SRSF3: variants seen among roughly 807,000 people sequenced by gnomAD.
SRSF3 encodes the protein serine and arginine rich splicing factor 3.
For synonymous variants in SRSF3, 87 were observed against 73.6 expected, an observed-to-expected ratio of 1.18 and a Z score of -0.93; for missense variants, 58 against 217.1, an observed-to-expected ratio of 0.27 and a Z score of 4.61.
chr6:36,601,100 C>G (rs1017687152), intron 3 of SRSF3, 52 bp from the exon 4 acceptor site: 3 of 1,515,482 alleles, frequency 2.0e-6, no homozygotes, highest in Non-Finnish European at 2.7e-6. Flanking sequence ...AAATGCCTCA[C>G]GCCATAAATA....
At chr6:36,597,225 C>T (rs1432374994) in intron 2 of SRSF3, 3 of 509,732 alleles carry the variant, frequency 5.9e-6, no homozygotes, top group Non-Finnish European at 3.5e-6. Flanking sequence ...CCTGCCTCAG[C>T]CTTCTGAGTA....
At chr6:36,599,135 G>C (rs780998070) in intron 3 of SRSF3, 152 bp downstream of exon 3, 42 of 910,778 alleles carry the variant, frequency 4.6e-5, no homozygotes, top group Non-Finnish European at 6.6e-5. Context: ...GGGTATGTGA[G>C]TTGTGCTGAG....
chr6:36,595,861 C>T (rs574507937), intron 1 of SRSF3, among the ~76,000 whole-genome samples: 3 of 152,300 alleles, frequency 2.0e-5, no homozygotes, highest in East Asian at 1.9e-4. Context: ...TATCTAATGA[C>T]ATTTGATACT....
chr6:36,599,784 T>C (rs1159952307), intron 3 of SRSF3: 1 of 1,331,162 alleles, frequency 7.5e-7, no homozygotes, highest in Non-Finnish European at 1.0e-6. Flanking sequence ...TTTGTGCTTT[T>C]TGGTCCATCT....
At chr6:36,597,094 GATC>G in intron 2 of SRSF3, 126 bp downstream of exon 2, 9 of 614,084 alleles carry the variant, frequency 1.5e-5, no homozygotes, top group African/African-American at 2.0e-5. Flanking sequence ...ATACAATTGG[GATC>G]TTTTTTTTTT....
In SRSF3 at chr6:36,602,296, G is replaced by A. The variant is rs1477444617; in HGVS notation, c.*307G>A. Reference sequence around the variant, plus strand: ...TAATAAACCTCTAAACCTGCCCAGCGGAAGTGTGTTTTTTTTTAAATTTAA... The same window carrying A: ...TAATAAACCTCTAAACCTGCCCAGCAGAAGTGTGTTTTTTTTTAAATTTAA... On this transcript the variant is annotated 3_prime_UTR_variant, in exon 6 of 6. Coordinates refer to ENST00000373715, the MANE Select transcript of SRSF3 (RefSeq NM_003017.5). The A allele has an allele frequency of 3.1e-5, 11 of 356,690 alleles. No individual in the cohort carries two copies. Among genetic ancestry groups the A allele is most frequent in the Non-Finnish European group, 5.4e-5 (11 of 204,782 alleles). 22.1% of individuals were successfully genotyped at this position (356,690 alleles called of 1,614,324 possible).
intron 1 of SRSF3, chr6:36,594,859 C>G (rs951186267): frequency 1.3e-5 from 2 of 151,742 alleles, no homozygotes; most frequent in African/African-American, 4.8e-5. Flanking sequence ...CAAGACCGGA[C>G]CTTTCAGTTC....
intron 3 of SRSF3, 130 bp from the exon 4 acceptor site, chr6:36,601,001 CTTTTTTTTTTTTTTTTTTTTT>C: frequency 1.2e-5 from 1 of 84,022 alleles, no homozygotes; most frequent in Non-Finnish European, 2.0e-5. Context: ...TCTTTTTTTT[CTTTTTTTTTTTTTTTTTTTTT>C]TTTTGGACGA....
chr6:36,598,734 T>C, intron 2 of SRSF3, 115 bp from the exon 3 acceptor site: 1 of 1,258,896 alleles, frequency 7.9e-7, no homozygotes, highest in Non-Finnish European at 1.1e-6. Context: ...TGATGTTAAA[T>C]TGCACAGACA....
intron 2 of SRSF3, 97 bp downstream of exon 2, chr6:36,597,065 T>G: frequency 2.3e-6 from 2 of 869,722 alleles, no homozygotes; most frequent in Non-Finnish European, 3.7e-6. Flanking sequence ...TCCCAATCAC[T>G]GGCCAATTGT....
rs1353426154 is a variant in SRSF3 at position 36,594,404 on chromosome 6, T to A, written c.-80T>A. On this transcript the variant is annotated 5_prime_UTR_variant, in exon 1 of 6. Transcript: ENST00000373715. Reference sequence around the variant, plus strand: ...CCGGGTGAGTGAGAGAGTTGGTTGGTGTTGGGCCGGAGGAAAGCGGGAAGA... The same window carrying A: ...CCGGGTGAGTGAGAGAGTTGGTTGGAGTTGGGCCGGAGGAAAGCGGGAAGA... 1 of 152,508 alleles carries A rather than the reference T, an allele frequency of 6.6e-6. No individual in the cohort carries two copies. Among genetic ancestry groups the A allele is most frequent in the South Asian group, 2.1e-4 (1 of 4,828 alleles). 9.4% of individuals were successfully genotyped at this position (152,508 alleles called of 1,614,324 possible).
chr6:36,605,023 G>A lies in SRSF3; in HGVS notation c.*3034G>A, dbSNP rs180746996. On this transcript the variant is annotated 3_prime_UTR_variant, in exon 6 of 6. Coordinates refer to ENST00000373715, the MANE Select transcript of SRSF3 (RefSeq NM_003017.5). ...TTTTCGAGAAAGATTTCTAGTTAAAGTTACTGAAGAAAAACTGGGTTGGAA... is the reference window on the plus strand; with the variant it reads ...TTTTCGAGAAAGATTTCTAGTTAAAATTACTGAAGAAAAACTGGGTTGGAA... 1 of 152,276 alleles carries A rather than the reference G, an allele frequency of 6.6e-6. No individual in the cohort carries two copies. 9.4% of individuals were successfully genotyped at this position (152,276 alleles called of 1,614,324 possible). A position where few individuals can be genotyped will look rare whatever the true frequency, so the allele number is the denominator to read the frequency against.
rs2127505698 is a variant in SRSF3, at chr6:36,598,998, G to C, written c.341+15G>C. 1 of 1,613,798 alleles carries C rather than the reference G, an allele frequency of 6.2e-7. No homozygotes were observed. Among genetic ancestry groups the C allele is most frequent in the East Asian group, 2.2e-5 (1 of 44,888 alleles). On this transcript the variant is annotated intron_variant, in intron 3 of 5. Coordinates refer to ENST00000373715, the MANE Select transcript of SRSF3 (RefSeq NM_003017.5). The stretch of plus-strand genomic sequence containing the variant: ...CCTCGTCGCAGGTACTTGAGAGAAA[G>C]CTTGTTAAGAGGTATTGGTGTAATG...
chr6:36,597,190 C>T (rs191399027), intron 2 of SRSF3: 8 of 555,894 alleles, frequency 1.4e-5, no homozygotes, highest in South Asian at 4.3e-5. Flanking sequence ...CCCGCAACCT[C>T]GGCCTCCGGG....
rs117108480 is a variant in SRSF3, at chr6:36,603,309, A to G, written c.*1320A>G. 1.2e-4 allele frequency: 26 copies of G among 224,818 alleles called. No individual in the cohort carries two copies. The East Asian group carries it at 1.6e-3, about 13-fold the overall frequency. 13.9% of individuals were successfully genotyped at this position (224,818 alleles called of 1,614,324 possible). On this transcript the variant is annotated 3_prime_UTR_variant, in exon 6 of 6. Coordinates refer to ENST00000373715, the MANE Select transcript of SRSF3 (RefSeq NM_003017.5). ...ATCCATCATGATGTAAAAGTTCACA[A>G]TATGGTTCAAATGTAACAGTGCAGA...
chr6:36,597,097 CTTTTTTTTTT>C (rs35760494), intron 2 of SRSF3, 129 bp downstream of exon 2: 22 of 363,054 alleles, frequency 6.1e-5, no homozygotes, highest in South Asian at 1.7e-4. Flanking sequence ...CAATTGGGAT[CTTTTTTTTTT>C]TTTTTTTTTT....
chr6:36,601,390 A>G, intron 4 of SRSF3, 200 bp downstream of exon 4: 1 of 619,788 alleles, frequency 1.6e-6, no homozygotes, highest in Admixed American at 3.0e-5. Context: ...TCTGTCACCC[A>G]GGCTGGAGTG....
At position 36,602,171 on chromosome 6, in the gene SRSF3, A is replaced by G. The variant is rs1778728788; in HGVS notation, c.*182A>G. ...AAGGTGTAATTCTCTATGGTTTGAA[A>G]TGGATCATACGAGGCATGTAATACC... is the stretch of plus-strand genomic sequence containing the variant. On this transcript the variant is annotated 3_prime_UTR_variant, in exon 6 of 6. Coordinates refer to ENST00000373715, the MANE Select transcript of SRSF3 (RefSeq NM_003017.5). The G allele has an allele frequency of 1.6e-6, 2 of 1,225,842 alleles. No homozygotes were observed. Among genetic ancestry groups the G allele is most frequent in the Non-Finnish European group, 2.2e-6 (2 of 910,282 alleles). 75.9% of individuals were successfully genotyped at this position (1,225,842 alleles called of 1,614,324 possible).
At position 36,598,955 on chromosome 6, in the gene SRSF3, C is replaced by T; in HGVS notation, c.313C>T (p.Arg105Cys). ...SWGRRPRDDY[R>C]RRSPPPRRRS... is the part of the protein sequence containing the mutation. ...GGGTCGTCGCCCTCGAGATGATTAT[C>T]GTAGGAGGAGTCCTCCACCTCGTCG... The change falls in exon 3 of 6, where the codon CGT becomes TGT. Residue 105 changes from arginine to cysteine, a missense_variant. Coordinates refer to ENST00000373715, the MANE Select transcript of SRSF3 (RefSeq NM_003017.5). 6.2e-7 allele frequency: 1 copy of T among 1,614,120 alleles called. No homozygotes were observed. The highest frequency in any genetic ancestry group is 8.5e-7 in the Non-Finnish European group (1 of 1,180,036).
Sources: allele counts gnomAD v4.1 joint callset (sites outside exome capture counted in the v4.1 genomes callset), GRCh38; gene constraint gnomAD v4.1.1; transcripts MANE v1.5; gene names NCBI Gene and HGNC (gene_info 2026-07-23, HGNC 2026-07-21).